The following ABAT variants were observed in gnomAD, a reference collection of about 807,000 sequenced individuals.
ABAT encodes 4-aminobutyrate aminotransferase.
A neutral mutation model predicts 64.6 loss-of-function variants in ABAT; 45 were observed. That is an observed-to-expected ratio of 0.70 (90% confidence interval 0.55 to 0.89). The LOEUF (loss-of-function observed/expected upper bound fraction) is 0.89, where lower values mean the gene tolerates loss of function less well. Among genes scored for constraint, ABAT ranks in the 40% least tolerant of loss-of-function variants. The probability of loss-of-function intolerance (pLI) is 0.00; values close to 1 mark genes in which losing one functional copy is unlikely to be tolerated. For synonymous variants in ABAT, 297 were observed against 250.5 expected (o/e 1.19, Z -1.75); for missense variants, 633 against 658.4 (o/e 0.96, Z 0.42).
intron 1 of ABAT, among the ~76,000 whole-genome samples, chr16:8,695,031 C>A (rs917257650): frequency 1.3e-5 from 2 of 152,230 alleles, no homozygotes; most frequent in Non-Finnish European, 2.9e-5. Context: ...ACTGGGCCAG[C>A]AAGCCTGAGA....
At chr16:8,774,692 CTGGT>C (rs1219100712) in intron 12 of ABAT, among the ~76,000 whole-genome samples, 194 bp from the exon 13 acceptor site, 3 of 152,162 alleles carry the variant, frequency 2.0e-5, no homozygotes, top group African/African-American at 7.2e-5. Context: ...AGATTCAGCT[CTGGT>C]TGGAACTGCT....
intron 1 of ABAT, among the ~76,000 whole-genome samples, chr16:8,678,820 A>C (rs1173889975): frequency 6.6e-6 from 1 of 152,212 alleles, no homozygotes; most frequent in East Asian, 1.9e-4. Flanking sequence ...AAGGTTCCTG[A>C]GTCATATTAT....
intron 5 of ABAT, among the ~76,000 whole-genome samples, chr16:8,756,587 C>T (rs560258839): frequency 4.2e-4 from 64 of 152,298 alleles, no homozygotes; most frequent in African/African-American, 1.5e-3. Context: ...CAGAAGCAAC[C>T]TGCTTCTTCT....
At chr16:8,710,050 G>A (rs765848515) in intron 1 of ABAT, among the ~76,000 whole-genome samples, 2 of 151,320 alleles carry the variant, frequency 1.3e-5, no homozygotes, top group African/African-American at 4.9e-5. Flanking sequence ...TGAGCTCAAG[G>A]AATCCGCCCA....
At chr16:8,703,190 T>C (rs1026426514) in intron 1 of ABAT, among the ~76,000 whole-genome samples, 3 of 152,114 alleles carry the variant, frequency 2.0e-5, no homozygotes, top group African/African-American at 7.2e-5. Flanking sequence ...CTCACACCTG[T>C]AATCCCAGCA....
rs762237876 is a variant in ABAT, at chr16:8,710,683, T to TGAGAGAGAGAGA, written c.-41-25006_-41-25005insGAGAGAGAGAGA. Among the ~76,000 whole-genome samples, 107 of 87,808 alleles carry TGAGAGAGAGAGA rather than the reference T, an allele frequency of 1.2e-3. 4 individuals are homozygous for TGAGAGAGAGAGA. The highest frequency in any genetic ancestry group is 4.4e-3 in the East Asian group (8 of 1,818). 57.6% of individuals were successfully genotyped at this position (87,808 alleles called of 152,430 possible). On this transcript the variant is annotated intron_variant, in intron 1 of 15. Coordinates refer to ENST00000268251, the MANE Select transcript of ABAT (RefSeq NM_020686.6). Reference sequence around the variant, plus strand: ...TGAGTCCAGGAGGTTAAGGCTGCACTGAGAGAGAGACAGAGAGAGAGAGAG... The same window carrying TGAGAGAGAGAGA: ...TGAGTCCAGGAGGTTAAGGCTGCACTGAGAGAGAGAGAGAGAGAGAGACAGAGAGAGAGAGAG...
chr16:8,699,621 G>T (rs2057775648), intron 1 of ABAT, among the ~76,000 whole-genome samples: 1 of 152,044 alleles, frequency 6.6e-6, no homozygotes, highest in Non-Finnish European at 1.5e-5. Context: ...GAGTGCAGTG[G>T]TGTGATCTCG....
At chr16:8,714,683 C>T (rs953107090) in intron 1 of ABAT, 3 of 152,518 alleles carry the variant, frequency 2.0e-5, no homozygotes, top group African/African-American at 7.2e-5. Flanking sequence ...GGAAGGGGGT[C>T]CTCTGTGCTT....
At chr16:8,770,123 C>G (rs574941068) in intron 11 of ABAT, among the ~76,000 whole-genome samples, 6 of 152,280 alleles carry the variant, frequency 3.9e-5, no homozygotes, top group African/African-American at 9.6e-5. Flanking sequence ...GCCAAGGAGT[C>G]ACATTTGCTT....
At chr16:8,675,123 C>G (rs1332317850) in intron 1 of ABAT, among the ~76,000 whole-genome samples, 2 of 152,028 alleles carry the variant, frequency 1.3e-5, no homozygotes, top group South Asian at 2.1e-4. Context: ...GTCTTCTCAG[C>G]TTATAAATTA....
At position 8,676,068 on chromosome 16, in the gene ABAT, C is replaced by G. The variant is rs74009734; in HGVS notation, c.-42+1357C>G. On this transcript the variant is annotated intron_variant, in intron 1 of 15. Coordinates refer to ENST00000268251, the MANE Select transcript of ABAT (RefSeq NM_020686.6). ...GGGAGGGGGTGGGAAGAGCTCTTCT[C>G]TGGTGGGTCAGGTTGGGAGGCAGGA... Among the ~76,000 whole-genome samples the G allele has an allele frequency of 4.1e-3, 629 of 152,008 alleles. 5 individuals carry two copies. Among genetic ancestry groups the G allele is most frequent in the African/African-American group, 0.015 (602 of 41,476 alleles).
chr16:8,698,243 C>T (rs1487987100), intron 1 of ABAT, among the ~76,000 whole-genome samples: 1 of 152,106 alleles, frequency 6.6e-6, no homozygotes, highest in Non-Finnish European at 1.5e-5. Flanking sequence ...CCTCCTTCAG[C>T]AATTGCTCTG....
intron 1 of ABAT, among the ~76,000 whole-genome samples, chr16:8,716,860 C>A (rs1273391): frequency 5.9e-5 from 9 of 152,294 alleles, no homozygotes; most frequent in Middle Eastern, 3.4e-3. Flanking sequence ...AGTACAGTAG[C>A]CGTTCATCAC....
intron 4 of ABAT, among the ~76,000 whole-genome samples, chr16:8,749,618 A>G (rs932300835): frequency 7.4e-5 from 10 of 134,960 alleles, no homozygotes; most frequent in African/African-American, 2.5e-4. Context: ...CTGGTTTCGA[A>G]CTCCTCACCT....
intron 1 of ABAT, among the ~76,000 whole-genome samples, chr16:8,695,519 G>GT (rs1445984538): frequency 6.6e-6 from 1 of 152,212 alleles, no homozygotes; most frequent in Non-Finnish European, 1.5e-5. Flanking sequence ...AATAGGATGA[G>GT]TTTTGCTCAA....
chr16:8,745,558 ATGG>A (rs1356207856), intron 2 of ABAT, among the ~76,000 whole-genome samples: 1 of 151,956 alleles, frequency 6.6e-6, no homozygotes, highest in Non-Finnish European at 1.5e-5. Context: ...TTAGCCAGGC[ATGG>A]TGGTGCGTGC....
intron 1 of ABAT, among the ~76,000 whole-genome samples, chr16:8,712,284 C>T (rs1484241851): frequency 6.6e-6 from 1 of 152,052 alleles, no homozygotes; most frequent in Non-Finnish European, 1.5e-5. Context: ...TTACCAAGTG[C>T]TTACTTTTAT....
intron 1 of ABAT, among the ~76,000 whole-genome samples, chr16:8,735,417 A>G (rs967277571): frequency 2.6e-5 from 4 of 151,958 alleles, no homozygotes; most frequent in Non-Finnish European, 5.9e-5. Flanking sequence ...ACACCCAGCT[A>G]ATTTTTAAAG....
At chr16:8,773,055 G>A in intron 12 of ABAT, 138 bp downstream of exon 12, 1 of 1,180,644 alleles carries the variant, frequency 8.5e-7, no homozygotes, top group Non-Finnish European at 1.2e-6. Context: ...CAGCATCAGG[G>A]GTGGAGAAGT....
Sources: allele counts gnomAD v4.1 joint callset (sites outside exome capture counted in the v4.1 genomes callset), GRCh38; gene constraint gnomAD v4.1.1; transcripts MANE v1.5; gene names NCBI Gene and HGNC (gene_info 2026-07-23, HGNC 2026-07-21).